ITPR1: variants seen among roughly 807,000 people sequenced by gnomAD.
ITPR1 encodes the protein inositol 1,4,5-trisphosphate-gated calcium channel ITPR1.
In ITPR1, 96 loss-of-function variants were observed where a neutral mutation model predicts 318.4. That is an observed-to-expected ratio of 0.30 (90% CI 0.26 to 0.36). The LOEUF (loss-of-function observed/expected upper bound fraction) is 0.36. ITPR1 is among the 10% of genes least tolerant of loss of function. The pLI is 1.00. For missense variants in ITPR1, 2,440 were observed against 3,460.2 expected (o/e 0.71, Z 7.40); for synonymous variants, 1,312 against 1,289.9 (o/e 1.02, Z -0.37).
At position 4,768,620 on chromosome 3, in the gene ITPR1, C is replaced by T. The variant is rs201949292; in HGVS notation, c.5835C>T (p.Asp1945=). 8.7e-6 allele frequency: 14 copies of T among 1,613,902 alleles called. No individual in the cohort carries two copies. The highest frequency in any genetic ancestry group is 2.2e-5 in the East Asian group (1 of 44,880). ...FTTFRREADP[D]DHYQPGEGTQ... ...CTTTCAGGAGGGAGGCTGATCCCGA[C>T]GACCACTACCAGCCTGGAGAGGGCA... The change falls in exon 46 of 62, where the codon GAC becomes GAT. Residue 1945 remains aspartate, a synonymous_variant. Transcript: ENST00000649015.
intron 4 of ITPR1, among the ~76,000 whole-genome samples, chr3:4,621,943 A>C (rs528865172): frequency 6.6e-6 from 1 of 152,174 alleles, no homozygotes; most frequent in African/African-American, 2.4e-5. Flanking sequence ...CCTCAGCCCT[A>C]GTGCATCCAT....
intron 44 of ITPR1, among the ~76,000 whole-genome samples, chr3:4,757,112 C>A (rs1188405290): frequency 1.3e-5 from 2 of 152,106 alleles, no homozygotes; most frequent in African/African-American, 4.8e-5. Flanking sequence ...AGCAAGGAGC[C>A]AAGGCCAAAA....
In ITPR1 at chr3:4,674,232, A is replaced by T. The variant is rs2094142646; in HGVS notation, c.2487A>T (p.Glu829Asp). The T allele has an allele frequency of 1.9e-6, 3 of 1,558,436 alleles. No individual in the cohort carries two copies. The highest frequency in any genetic ancestry group is 2.6e-6 in the Non-Finnish European group (3 of 1,150,326). Reference protein sequence around the residue: ...DYDSSGASKDEIKERFAQTME... With the variant: ...DYDSSGASKDDIKERFAQTME... ...ATAGTAGTGGAGCTTCCAAAGATGA[A>T]ATTAAGGAGAGATTTGCTCAGACCA... The change falls in exon 22 of 62, where the codon GAA (glutamate) becomes GAT (aspartate). Residue 829 changes from glutamate (E) to aspartate (D), a missense_variant. Glu to Asp is a conservative substitution (Grantham distance 45). Around this residue, in one of 23 missense-constraint regions of ITPR1, gnomAD observed 478 missense variants for 696.3 expected, o/e 0.69. Coordinates refer to ENST00000649015, the MANE Select transcript of ITPR1 (RefSeq NM_001378452.1).
chr3:4,592,280 T>A lies in ITPR1; in HGVS notation c.164-35483T>A, dbSNP rs190326770. Among the ~76,000 whole-genome samples, 197 of 152,324 alleles carry A rather than the reference T, an allele frequency of 1.3e-3. 2 individuals carry two copies. Among genetic ancestry groups the A allele is most frequent in the Non-Finnish European group, 4.6e-4 (31 of 68,026 alleles). The stretch of plus-strand genomic sequence containing the variant: ...TGACTGTCTTGTTTTATGTTTTGTG[T>A]TTAATAGCATTTGGTCTCTCTTATG... On this transcript the variant is annotated intron_variant, in intron 4 of 61. Coordinates refer to ENST00000649015, the MANE Select transcript of ITPR1 (RefSeq NM_001378452.1).
chr3:4,754,957 G>A (rs1460143558), intron 44 of ITPR1, among the ~76,000 whole-genome samples: 1 of 152,210 alleles, frequency 6.6e-6, no homozygotes, highest in East Asian at 1.9e-4. Context: ...CCCCACAAAA[G>A]ATACTGGCCT....
intron 39 of ITPR1, among the ~76,000 whole-genome samples, chr3:4,716,960 A>G (rs1243147719): frequency 1.3e-5 from 2 of 152,178 alleles, no homozygotes; most frequent in Non-Finnish European, 2.9e-5. Flanking sequence ...CTAAGGAAAG[A>G]ATTTTCTTCT....
In ITPR1 at chr3:4,697,191, T is replaced by C. The variant is rs748610292; in HGVS notation, c.4326T>C (p.Asp1442=). Residue 1442 remains aspartate, a synonymous_variant, in exon 34 of 62, where the codon GAT becomes GAC. Coordinates refer to ENST00000649015, the MANE Select transcript of ITPR1 (RefSeq NM_001378452.1). ...YINFLNHCYV[D]TEVEMKEIYT... ...ACTTCCTGAATCACTGCTATGTGGA[T>C]ACAGAGGTGGAAATGAAGGAGATTT... 6.2e-7 allele frequency: 1 copy of C among 1,607,120 alleles called. No homozygotes were observed. The highest frequency in any genetic ancestry group is 1.1e-5 in the South Asian group (1 of 89,716).
chr3:4,731,029 G>C (rs1351209748), intron 42 of ITPR1, among the ~76,000 whole-genome samples: 1 of 152,166 alleles, frequency 6.6e-6, no homozygotes, highest in Non-Finnish European at 1.5e-5. Flanking sequence ...CTCAAAGTCT[G>C]TGTCATACTG....
At chr3:4,778,173 T>A (rs1242619187) in intron 48 of ITPR1, among the ~76,000 whole-genome samples, 1 of 152,232 alleles carries the variant, frequency 6.6e-6, no homozygotes, top group Non-Finnish European at 1.5e-5. Flanking sequence ...CTCCCTTCTA[T>A]GTAGGGGTTC....
chr3:4,693,753 C>A lies in ITPR1; in HGVS notation c.4281+12C>A. ...ACTGCATCCCTGAGGTGAGCGAGCC[C>A]AGCCTGGCTGTGCCCTTCTCGTTGC... is the stretch of plus-strand genomic sequence containing the variant. On this transcript the variant is annotated intron_variant, in intron 33 of 61. Coordinates refer to ENST00000649015, the MANE Select transcript of ITPR1 (RefSeq NM_001378452.1). The A allele has an allele frequency of 6.2e-7, 1 of 1,605,126 alleles. No homozygotes were observed.
intron 26 of ITPR1, among the ~76,000 whole-genome samples, chr3:4,682,887 G>T (rs988157433): frequency 6.6e-6 from 1 of 152,136 alleles, no homozygotes; most frequent in African/African-American, 2.4e-5. Context: ...TCTAGGATAT[G>T]CTTATTAATA....
intron 5 of ITPR1, among the ~76,000 whole-genome samples, chr3:4,631,231 G>A (rs1393724096): frequency 1.3e-5 from 2 of 152,206 alleles, no homozygotes; most frequent in Non-Finnish European, 2.9e-5. Context: ...AAAGACTCAG[G>A]TTGCTGGTCA....
chr3:4,729,812 T>C (rs1306417578), intron 42 of ITPR1, among the ~76,000 whole-genome samples: 1 of 152,168 alleles, frequency 6.6e-6, no homozygotes, highest in African/African-American at 2.4e-5. Context: ...GACAAACATC[T>C]GATATTTGTT....
At chr3:4,607,994 A>G (rs1483112169) in intron 4 of ITPR1, among the ~76,000 whole-genome samples, 1 of 151,976 alleles carries the variant, frequency 6.6e-6, no homozygotes, top group Non-Finnish European at 1.5e-5. Flanking sequence ...TAGCTTTACA[A>G]AGGGTTGAGT....
At position 4,775,460 on chromosome 3, in the gene ITPR1, T is replaced by G. The variant is rs774140282; in HGVS notation, c.6180+18T>G. ...AGAACCAGGTAATTAAATTTCTGTTTTGGGATGGGGAAAAAAAGTGTCCCA... is the reference window on the plus strand; with the variant it reads ...AGAACCAGGTAATTAAATTTCTGTTGTGGGATGGGGAAAAAAAGTGTCCCA... On this transcript the variant is annotated intron_variant, in intron 47 of 61. Transcript: ENST00000649015. The G allele has an allele frequency of 6.3e-7, 1 of 1,589,394 alleles. No individual in the cohort carries two copies. The highest frequency in any genetic ancestry group is 8.6e-7 in the Non-Finnish European group (1 of 1,160,970).
intron 4 of ITPR1, among the ~76,000 whole-genome samples, chr3:4,559,143 C>T (rs1199357145): frequency 6.8e-6 from 1 of 146,280 alleles, no homozygotes; most frequent in East Asian, 2.0e-4. Context: ...GCATGTGCAA[C>T]TGTGCCCACC....
intron 44 of ITPR1, among the ~76,000 whole-genome samples, chr3:4,738,498 C>T (rs1021190239): frequency 1.1e-4 from 17 of 152,146 alleles, no homozygotes; most frequent in Admixed American, 7.9e-4. Context: ...AGGCCCCATT[C>T]GGTTCTGGGC....
chr3:4,687,871 A>G (rs1334765809), intron 30 of ITPR1, among the ~76,000 whole-genome samples: 1 of 152,180 alleles, frequency 6.6e-6, no homozygotes, highest in African/African-American at 2.4e-5. Context: ...CGGCAGGCAC[A>G]GTTGCTCTAA....
intron 44 of ITPR1, among the ~76,000 whole-genome samples, chr3:4,765,784 T>C (rs920851639): frequency 8.5e-5 from 13 of 152,118 alleles, no homozygotes; most frequent in African/African-American, 3.1e-4. Context: ...CCATATTGTG[T>C]TTTTCCATCA....
Sources: gnomAD v4.1 joint callset for allele counts (sites outside exome capture counted in the v4.1 genomes callset) on GRCh38, gnomAD v4.1.1 for gene constraint, gnomAD v4.1.1 regional missense constraint, MANE v1.5 for transcripts, NCBI Gene and HGNC (gene_info 2026-07-23, HGNC 2026-07-21) for gene names.